MAF: variants seen among roughly 807,000 people sequenced by gnomAD.
MAF encodes transcription factor Maf.
A neutral mutation model predicts 22.0 loss-of-function variants in MAF; 10 were observed. That is an observed-to-expected ratio of 0.45 (90% CI 0.28 to 0.77). The LOEUF is 0.77. Ranked by LOEUF, MAF falls within the 30% of genes least tolerant of loss-of-function variation. MAF has a pLI of 0.12. For missense variants in MAF, 544 were observed against 548.4 expected (o/e 0.99, Z 0.08); for synonymous variants, 337 against 255.8 (o/e 1.32, Z -3.03).
chr16:79,458,157 G>GTGAC, the MAF span, among the ~76,000 whole-genome samples: 1 of 68,422 alleles, frequency 1.5e-5, no homozygotes, highest in Non-Finnish European at 4.6e-5. Context: ...TCTTTGCTGT[G>GTGAC]TGACTACTCA....
At chr16:79,432,755 C>G in the MAF span, among the ~76,000 whole-genome samples, 93 of 152,194 alleles carry the variant, frequency 6.1e-4, 1 homozygote, top group South Asian at 0.019. Flanking sequence ...CACACACACA[C>G]AGAACATCAT....
the MAF span, among the ~76,000 whole-genome samples, chr16:79,421,020 G>A: frequency 6.6e-6 from 1 of 150,584 alleles, no homozygotes; most frequent in East Asian, 1.9e-4. Flanking sequence ...GTGACAGAGC[G>A]AGACTCTGTC....
the MAF span, among the ~76,000 whole-genome samples, chr16:79,489,299 A>G: frequency 6.6e-6 from 1 of 152,186 alleles, no homozygotes; most frequent in South Asian, 2.1e-4. Flanking sequence ...ACATCCATCT[A>G]TTTATCCATC....
chr16:79,585,369 T>G (rs1189969348), downstream of MAF, among the ~76,000 whole-genome samples: 2 of 152,014 alleles, frequency 1.3e-5, no homozygotes, highest in African/African-American at 2.4e-5. Flanking sequence ...CACTGTGCTT[T>G]GAAATTACAC....
the MAF span, among the ~76,000 whole-genome samples, chr16:79,350,436 T>A: frequency 6.6e-6 from 1 of 152,226 alleles, no homozygotes; most frequent in Non-Finnish European, 1.5e-5. Context: ...ATGACACCAT[T>A]GCAGATCCTG....
chr16:79,511,686 C>A, the MAF span, among the ~76,000 whole-genome samples: 1 of 152,166 alleles, frequency 6.6e-6, no homozygotes, highest in Non-Finnish European at 1.5e-5. Context: ...GCTCACCAAT[C>A]GGCATTCAGT....
At chr16:79,437,685 C>T in the MAF span, among the ~76,000 whole-genome samples, 2 of 152,016 alleles carry the variant, frequency 1.3e-5, no homozygotes, top group African/African-American at 2.4e-5. Context: ...CTCTGAAAAC[C>T]CTGGCATTAC....
chr16:79,268,212 C>T, the MAF span, among the ~76,000 whole-genome samples: 2 of 150,502 alleles, frequency 1.3e-5, no homozygotes, highest in African/African-American at 2.5e-5. Flanking sequence ...GAATCAGCTA[C>T]CCCCTCTCCC....
At chr16:79,466,955 G>A in the MAF span, among the ~76,000 whole-genome samples, 2 of 152,280 alleles carry the variant, frequency 1.3e-5, no homozygotes, top group Non-Finnish European at 1.5e-5. Context: ...ACAGAATCTT[G>A]GAGCTTGAGG....
At chr16:79,456,183 C>A in the MAF span, among the ~76,000 whole-genome samples, 7 of 152,068 alleles carry the variant, frequency 4.6e-5, no homozygotes, top group African/African-American at 1.4e-4. Context: ...CTGCATCCAC[C>A]CCGCACAGAG....
the MAF span, among the ~76,000 whole-genome samples, chr16:79,307,534 C>T: frequency 6.6e-6 from 1 of 152,228 alleles, no homozygotes; most frequent in African/African-American, 2.4e-5. Flanking sequence ...CATCCAATCA[C>T]ATGCCCCCGA....
the MAF span, among the ~76,000 whole-genome samples, chr16:79,274,889 A>G: frequency 2.6e-5 from 4 of 152,186 alleles, no homozygotes; most frequent in East Asian, 7.7e-4. Context: ...TCCAGTTAGG[A>G]TTCAATTCAA....
At chr16:79,442,786 G>A in the MAF span, among the ~76,000 whole-genome samples, 6 of 152,210 alleles carry the variant, frequency 3.9e-5, no homozygotes, top group South Asian at 4.1e-4. Flanking sequence ...AACACAAGAA[G>A]GTGTGAGAGA....
the MAF span, among the ~76,000 whole-genome samples, chr16:79,207,356 T>G: frequency 6.6e-6 from 1 of 152,240 alleles, no homozygotes; most frequent in African/African-American, 2.4e-5. Flanking sequence ...CCAAACCTGC[T>G]CACTTCAGAT....
chr16:79,564,669 A>G, the MAF span, among the ~76,000 whole-genome samples: 1 of 152,174 alleles, frequency 6.6e-6, no homozygotes, highest in African/African-American at 2.4e-5. Flanking sequence ...TTTGTTAATG[A>G]AAGTCAGGAT....
chr16:79,298,026 G>A, the MAF span, among the ~76,000 whole-genome samples: 232 of 152,330 alleles, frequency 1.5e-3, 1 homozygote, highest in African/African-American at 5.4e-3. Context: ...GGTCCAGTGC[G>A]GAATGAAAAT....
chr16:79,349,022 TGTG>T, the MAF span, among the ~76,000 whole-genome samples: 1 of 152,178 alleles, frequency 6.6e-6, no homozygotes, highest in Non-Finnish European at 1.5e-5. Context: ...TTCCCCCAGA[TGTG>T]GTGATTGGCT....
At chr16:79,332,732 G>C in the MAF span, among the ~76,000 whole-genome samples, 2 of 152,214 alleles carry the variant, frequency 1.3e-5, no homozygotes, top group African/African-American at 2.4e-5. Flanking sequence ...TTTGATGGAG[G>C]AGTAAACTGA....
At chr16:79,432,552 T>C in the MAF span, among the ~76,000 whole-genome samples, 1 of 152,182 alleles carries the variant, frequency 6.6e-6, no homozygotes, top group Admixed American at 6.5e-5. Context: ...GTAATATTTT[T>C]GTACCACAGT....
Sources: gnomAD v4.1 joint callset for allele counts (sites outside exome capture counted in the v4.1 genomes callset) on GRCh38, gnomAD v4.1.1 for gene constraint, MANE v1.5 for transcripts, NCBI Gene and HGNC (gene_info 2026-07-23, HGNC 2026-07-21) for gene names.